Variants in TAFA1 observed in about 807,000 individuals in gnomAD.
TAFA1 encodes TAFA chemokine like family member 1, also known as chemokine-like protein TAFA-1.
TAFA1 carries 4 observed loss-of-function variants against 18.5 expected under a neutral mutation model. The observed-to-expected ratio is 0.22, with a 90% confidence interval of 0.11 to 0.49. The LOEUF is 0.49. Ranked by LOEUF, TAFA1 falls within the 20% of genes least tolerant of loss-of-function variation. The probability of loss-of-function intolerance (pLI) is 0.98; values close to 1 mark genes in which losing one functional copy is unlikely to be tolerated. For synonymous variants in TAFA1, 56 were observed against 55.2 expected (o/e 1.01, Z -0.06); for missense variants, 147 against 169.0 (o/e 0.87, Z 0.72).
chr3:68,109,904 T>A (rs1179588838), intron 2 of TAFA1, among the ~76,000 whole-genome samples: 1 of 152,226 alleles, frequency 6.6e-6, no homozygotes, highest in Non-Finnish European at 1.5e-5. Flanking sequence ...TAGAGATTTT[T>A]AAACTGCAGA....
chr3:68,179,000 ATTG>A (rs1435651449), intron 2 of TAFA1, among the ~76,000 whole-genome samples: 1 of 152,166 alleles, frequency 6.6e-6, no homozygotes, highest in Non-Finnish European at 1.5e-5. Context: ...ACTCGGAGAT[ATTG>A]TATGTTTTTA....
At chr3:68,415,702 G>T (rs1318619037) in intron 2 of TAFA1, among the ~76,000 whole-genome samples, 1 of 151,920 alleles carries the variant, frequency 6.6e-6, no homozygotes. Flanking sequence ...CATATGTCAG[G>T]CTCGGCACTA....
At chr3:68,512,465 T>C (rs1000461399) in intron 3 of TAFA1, among the ~76,000 whole-genome samples, 1 of 152,168 alleles carries the variant, frequency 6.6e-6, no homozygotes, top group Non-Finnish European at 1.5e-5. Flanking sequence ...TATTACCATC[T>C]TGCATATGTA....
chr3:68,011,314 CA>C (rs1045911120), intron 2 of TAFA1, among the ~76,000 whole-genome samples: 2 of 151,984 alleles, frequency 1.3e-5, no homozygotes, highest in African/African-American at 4.8e-5. Flanking sequence ...ATTTTATCGA[CA>C]GGGGTGTACG....
intron 2 of TAFA1, among the ~76,000 whole-genome samples, chr3:68,292,203 T>C (rs984113627): frequency 6.6e-6 from 1 of 152,128 alleles, no homozygotes; most frequent in Non-Finnish European, 1.5e-5. Context: ...TAATTCTTAG[T>C]AGCTGTGTCT....
At chr3:68,257,753 T>C (rs1013872684) in intron 2 of TAFA1, among the ~76,000 whole-genome samples, 1 of 152,116 alleles carries the variant, frequency 6.6e-6, no homozygotes, top group Non-Finnish European at 1.5e-5. Context: ...TTCCAAGGAA[T>C]AGAGTATGGA....
intron 2 of TAFA1, among the ~76,000 whole-genome samples, chr3:68,202,158 T>A (rs1244385955): frequency 1.3e-5 from 2 of 151,688 alleles, no homozygotes; most frequent in African/African-American, 4.8e-5. Context: ...ACAAACCATA[T>A]CCAGACCACA....
At chr3:68,091,787 G>C (rs2065032764) in intron 2 of TAFA1, among the ~76,000 whole-genome samples, 1 of 152,062 alleles carries the variant, frequency 6.6e-6, no homozygotes, top group South Asian at 2.1e-4. Flanking sequence ...TATCACACAA[G>C]ACCATGCTGA....
intron 2 of TAFA1, among the ~76,000 whole-genome samples, chr3:68,365,251 A>G (rs1043248367): frequency 6.6e-6 from 1 of 152,228 alleles, no homozygotes; most frequent in African/African-American, 2.4e-5. Context: ...TAAGATACAC[A>G]GACAGTAAAT....
At chr3:68,322,001 A>G (rs540047424) in intron 2 of TAFA1, among the ~76,000 whole-genome samples, 1 of 152,298 alleles carries the variant, frequency 6.6e-6, no homozygotes, top group African/African-American at 2.4e-5. Context: ...TTTTTCCCAC[A>G]GCTGCATGTA....
At chr3:68,314,838 GAGAA>G (rs2068581211) in intron 2 of TAFA1, among the ~76,000 whole-genome samples, 1 of 151,488 alleles carries the variant, frequency 6.6e-6, no homozygotes, top group Non-Finnish European at 1.5e-5. Flanking sequence ...TCCATAGTTT[GAGAA>G]AGTTAGCTAA....
intron 3 of TAFA1, among the ~76,000 whole-genome samples, chr3:68,507,085 C>A (rs1326633888): frequency 6.6e-6 from 1 of 152,060 alleles, no homozygotes; most frequent in African/African-American, 2.4e-5. Context: ...AATCACAGTT[C>A]TCTTGCTCGT....
At chr3:68,160,840 G>A (rs2065916781) in intron 2 of TAFA1, among the ~76,000 whole-genome samples, 1 of 152,160 alleles carries the variant, frequency 6.6e-6, no homozygotes, top group Non-Finnish European at 1.5e-5. Flanking sequence ...TTTAGGTCAG[G>A]TCTGGCTAAC....
chr3:68,329,987 G>A (rs1559619925), intron 2 of TAFA1, among the ~76,000 whole-genome samples: 1 of 152,110 alleles, frequency 6.6e-6, no homozygotes, highest in African/African-American at 2.4e-5. Flanking sequence ...CATACACATT[G>A]GATACACACA....
At chr3:68,326,873 C>T (rs1296486562) in intron 2 of TAFA1, among the ~76,000 whole-genome samples, 6 of 152,122 alleles carry the variant, frequency 3.9e-5, no homozygotes, top group South Asian at 2.1e-4. Flanking sequence ...AGAGTTTGGA[C>T]ATCTTTAAAT....
intron 3 of TAFA1, among the ~76,000 whole-genome samples, chr3:68,448,098 G>A (rs1375868598): frequency 6.6e-6 from 1 of 152,158 alleles, no homozygotes; most frequent in Non-Finnish European, 1.5e-5. Flanking sequence ...GCAGTAGGGT[G>A]TGTGAGAGAC....
intron 2 of TAFA1, among the ~76,000 whole-genome samples, chr3:68,342,901 C>A (rs956708833): frequency 6.6e-6 from 1 of 152,118 alleles, no homozygotes; most frequent in Non-Finnish European, 1.5e-5. Flanking sequence ...ACAGCACAGC[C>A]TTTAAGATTT....
chr3:68,495,314 T>C (rs1170766401), intron 3 of TAFA1, among the ~76,000 whole-genome samples: 3 of 152,090 alleles, frequency 2.0e-5, no homozygotes, highest in Non-Finnish European at 2.9e-5. Flanking sequence ...AGAAAAAGAG[T>C]TAAATCTGAA....
chr3:68,436,870 T>C (rs2071276023), intron 3 of TAFA1, among the ~76,000 whole-genome samples: 1 of 152,306 alleles, frequency 6.6e-6, no homozygotes, highest in South Asian at 2.1e-4. Flanking sequence ...TGTTAACAGA[T>C]ACAGCCAGCT....
Sources: gnomAD v4.1 joint callset for allele counts (sites outside exome capture counted in the v4.1 genomes callset) on GRCh38, gnomAD v4.1.1 for gene constraint, MANE v1.5 for transcripts, NCBI Gene and HGNC (gene_info 2026-07-23, HGNC 2026-07-21) for gene names.